Variants in MALRD1 observed in about 807,000 individuals in gnomAD.
MALRD1 encodes the protein MAM and LDL-receptor class A domain-containing protein 1.
Under a neutral mutation model 242.1 loss-of-function variants are expected in MALRD1, and 247 were observed. The observed-to-expected ratio is 1.02, with a 90% CI of 0.92 to 1.13. The LOEUF (loss-of-function observed/expected upper bound fraction) is 1.13. Among genes scored for constraint, MALRD1 ranks in the 50% most tolerant of loss-of-function variants. The pLI is 0.00. For missense variants in MALRD1, 2,989 were observed against 2,533.1 expected (o/e 1.18, Z -3.86); for synonymous variants, 995 against 866.6 (o/e 1.15, Z -2.60).
intron 36 of MALRD1, 126 bp from the exon 37 acceptor site, chr10:19,692,156 C>G: frequency 1.4e-6 from 1 of 728,884 alleles, no homozygotes; most frequent in Non-Finnish European, 2.0e-6. Context: ...GGTTTTTTAT[C>G]AAAGTTATCC....
chr10:19,250,748 G>A (rs762808902), intron 18 of MALRD1, among the ~76,000 whole-genome samples: 1 of 151,994 alleles, frequency 6.6e-6, no homozygotes, highest in Admixed American at 6.6e-5. Flanking sequence ...GATGATGTGT[G>A]TGATGATATG....
At chr10:19,580,477 G>A (rs1319291325) in intron 33 of MALRD1, among the ~76,000 whole-genome samples, 1 of 152,058 alleles carries the variant, frequency 6.6e-6, no homozygotes, top group African/African-American at 2.4e-5. Context: ...GAATGACATC[G>A]CCCATCATCC....
intron 21 of MALRD1, among the ~76,000 whole-genome samples, chr10:19,313,495 G>A (rs1588894443): frequency 6.6e-6 from 1 of 151,148 alleles, no homozygotes; most frequent in Admixed American, 6.6e-5. Context: ...AGCTAGAATA[G>A]AATAATTTGA....
At chr10:19,232,842 T>G (rs1838143794) in intron 18 of MALRD1, among the ~76,000 whole-genome samples, 1 of 152,154 alleles carries the variant, frequency 6.6e-6, no homozygotes, top group Non-Finnish European at 1.5e-5. Context: ...GCTCTTTCAC[T>G]GTCCTAAAAG....
At chr10:19,441,900 T>C (rs920015493) in intron 28 of MALRD1, among the ~76,000 whole-genome samples, 6 of 152,200 alleles carry the variant, frequency 3.9e-5, no homozygotes, top group Non-Finnish European at 8.8e-5. Flanking sequence ...GGGGATAACA[T>C]TGAATCTATA....
intron 32 of MALRD1, among the ~76,000 whole-genome samples, chr10:19,537,742 T>G (rs923043871): frequency 3.3e-5 from 5 of 152,206 alleles, no homozygotes; most frequent in African/African-American, 9.6e-5. Flanking sequence ...TTGACTTCAG[T>G]CTCTTTATAA....
At chr10:19,452,751 A>C (rs1053588911) in intron 29 of MALRD1, among the ~76,000 whole-genome samples, 20 of 152,162 alleles carry the variant, frequency 1.3e-4, no homozygotes, top group Admixed American at 9.2e-4. Flanking sequence ...AAGTTACACT[A>C]AGTTGCTTTC....
At chr10:19,420,224 C>T (rs1169137343) in intron 28 of MALRD1, among the ~76,000 whole-genome samples, 3 of 150,076 alleles carry the variant, frequency 2.0e-5, no homozygotes, top group South Asian at 4.2e-4. Flanking sequence ...AAGAGAATGA[C>T]GGGGTGAGTG....
intron 1 of MALRD1, among the ~76,000 whole-genome samples, chr10:19,062,490 C>T (rs1221444300): frequency 1.3e-5 from 2 of 152,200 alleles, no homozygotes; most frequent in East Asian, 3.9e-4. Flanking sequence ...ATGTTCACAG[C>T]AGTGTTGTTC....
At chr10:19,422,407 G>C (rs566810213) in intron 28 of MALRD1, among the ~76,000 whole-genome samples, 24 of 152,258 alleles carry the variant, frequency 1.6e-4, no homozygotes, top group African/African-American at 5.8e-4. Context: ...GAAAAACATA[G>C]AGTAACCAGA....
intron 21 of MALRD1, among the ~76,000 whole-genome samples, chr10:19,310,906 G>A (rs185870211): frequency 1.9e-4 from 28 of 151,308 alleles, no homozygotes; most frequent in African/African-American, 2.9e-4. Context: ...CTTAACTCCC[G>A]CATGAGTCTG....
chr10:19,576,963 CGTT>C (rs933533628), intron 33 of MALRD1, among the ~76,000 whole-genome samples: 5 of 107,156 alleles, frequency 4.7e-5, no homozygotes, highest in African/African-American at 2.2e-4. Context: ...TCCACATTGT[CGTT>C]TTTTTTTTTT....
intron 33 of MALRD1, among the ~76,000 whole-genome samples, chr10:19,569,987 C>G (rs1328451751): frequency 1.3e-5 from 2 of 151,724 alleles, no homozygotes; most frequent in African/African-American, 4.8e-5. Context: ...AAATAACATA[C>G]TAACAATGAA....
chr10:19,049,071 T>A lies in MALRD1; in HGVS notation c.133T>A (p.Ser45Thr). Residue 45 changes from serine to threonine, a missense_variant, in exon 1 of 40, where the codon TCC becomes ACC. By Grantham distance (58) the Ser-to-Thr change is moderately conservative (BLOSUM62 1). Transcript: ENST00000454679. ...AAGCTTTCAGTGTGACAATGGAGTC[T>A]CCTTGCCTCCTGACAGCATTTGTGA... ...TESFQCDNGVSLPPDSICDFT... is the reference protein window; with the variant it reads ...TESFQCDNGVTLPPDSICDFT... 8.1e-7 allele frequency: 1 copy of A among 1,233,912 alleles called. No homozygotes were observed. The highest frequency in any genetic ancestry group is 4.2e-5 in the Admixed American group (1 of 23,728). 76.4% of individuals were successfully genotyped at this position (1,233,912 alleles called of 1,614,324 possible).
chr10:19,283,870 G>A (rs540729927), intron 21 of MALRD1, among the ~76,000 whole-genome samples: 10 of 152,278 alleles, frequency 6.6e-5, no homozygotes, highest in South Asian at 2.1e-4. Flanking sequence ...GTGTGAGAAC[G>A]CTGCGGTAGG....
intron 14 of MALRD1, among the ~76,000 whole-genome samples, chr10:19,189,251 T>G (rs1186856782): frequency 1.3e-5 from 2 of 152,048 alleles, no homozygotes; most frequent in African/African-American, 2.4e-5. Flanking sequence ...CTACCAAGAT[T>G]AAAGCACAAA....
intron 18 of MALRD1, among the ~76,000 whole-genome samples, chr10:19,256,298 C>T (rs1839508243): frequency 6.6e-6 from 1 of 152,008 alleles, no homozygotes; most frequent in African/African-American, 2.4e-5. Flanking sequence ...ACTGTTCACC[C>T]AACTCTATTT....
chr10:19,264,990 T>C (rs1839915685), intron 19 of MALRD1, among the ~76,000 whole-genome samples: 1 of 152,192 alleles, frequency 6.6e-6, no homozygotes, highest in South Asian at 2.1e-4. Context: ...GTTGTATGTT[T>C]GTAGGAATTT....
intron 17 of MALRD1, among the ~76,000 whole-genome samples, chr10:19,207,033 G>A (rs1210731563): frequency 6.6e-6 from 1 of 152,216 alleles, no homozygotes. Context: ...TTAGGTCTAA[G>A]CTCCTCTTCT....
Sources: gnomAD v4.1 joint callset for allele counts (sites outside exome capture counted in the v4.1 genomes callset) on GRCh38, gnomAD v4.1.1 for gene constraint, MANE v1.5 for transcripts, NCBI Gene and HGNC (gene_info 2026-07-23, HGNC 2026-07-21) for gene names.